The following CTPS2 variants were observed in gnomAD, a reference collection of about 807,000 sequenced individuals.
CTPS2 encodes CTP synthase II.
Under a neutral mutation model 46.8 loss-of-function variants are expected in CTPS2, and 19 were observed. The observed-to-expected ratio is 0.41, with a 90% CI of 0.28 to 0.60. CTPS2 has a LOEUF of 0.60. Among genes scored for constraint, CTPS2 ranks in the 20% least tolerant of loss-of-function variants. The pLI is 0.35. For missense variants in CTPS2, 286 were observed against 447.6 expected, an observed-to-expected ratio of 0.64 and a Z score of 3.26; for synonymous variants, 151 against 165.2, an observed-to-expected ratio of 0.91 and a Z score of 0.66.
intron 13 of CTPS2, among the ~76,000 whole-genome samples, chrX:16,659,572 G>A (rs1932895642): frequency 9.1e-6 from 1 of 110,010 alleles, no homozygotes; most frequent in Non-Finnish European, 1.9e-5. Context: ...TCACCATGCT[G>A]AGTCCACCCA....
chrX:16,621,603 C>T (rs1930843844), intron 14 of CTPS2, among the ~76,000 whole-genome samples: 1 of 110,113 alleles, frequency 9.1e-6, no homozygotes, highest in South Asian at 3.9e-4. Flanking sequence ...AAACGCAGAT[C>T]CCAGGTACAC....
At chrX:16,647,318 A>G (rs757116428) in intron 13 of CTPS2, among the ~76,000 whole-genome samples, 195 of 79,304 alleles carry the variant, frequency 2.5e-3, no homozygotes, top group Non-Finnish European at 3.7e-3. Context: ...CCCAGGCTGG[A>G]GTGTAATGGC....
chrX:16,667,122 T>C (rs1338817493), intron 13 of CTPS2, among the ~76,000 whole-genome samples: 2 of 98,273 alleles, frequency 2.0e-5, no homozygotes, highest in East Asian at 3.0e-4. Context: ...AAAATAATAA[T>C]AGACCCCCCC....
At chrX:16,696,521 C>T (rs1924128903) in intron 4 of CTPS2, among the ~76,000 whole-genome samples, 2 of 111,346 alleles carry the variant, frequency 1.8e-5, no homozygotes, top group Non-Finnish European at 3.8e-5. Context: ...GAAGACAAGT[C>T]AATTCAAGGG....
chrX:16,692,168 A>G (rs745386758), intron 6 of CTPS2, among the ~76,000 whole-genome samples: 1 of 111,287 alleles, frequency 9.0e-6, no homozygotes, highest in East Asian at 2.8e-4. Context: ...AAATAAGAGC[A>G]GCGGACTGGG....
At chrX:16,622,450 T>C (rs1930897471) in intron 14 of CTPS2, among the ~76,000 whole-genome samples, 1 of 109,412 alleles carries the variant, frequency 9.1e-6, no homozygotes, top group Non-Finnish European at 1.9e-5. Context: ...AAAGAAAACA[T>C]AGAAGCATCA....
chrX:16,670,373 G>C, intron 11 of CTPS2, among the ~76,000 whole-genome samples: 1 of 112,220 alleles, frequency 8.9e-6, no homozygotes, highest in Non-Finnish European at 1.9e-5. Flanking sequence ...AAATTGGTGT[G>C]GCTGTGTTCC....
Position 16,670,664 on chromosome X carries a change from C to T in CTPS2, c.1105G>A (p.Val369Met), listed in dbSNP as rs1312532570. 3 of 1,187,237 alleles carry T rather than the reference C, an allele frequency of 2.5e-6. No homozygotes were observed. In the Middle Eastern group the frequency reaches 7.0e-4, roughly 278 times the overall value. Residue 369 changes from valine to methionine, a missense_variant, in exon 11 of 19, where the codon GTG becomes ATG. By Grantham distance (21) the Val-to-Met change is conservative (BLOSUM62 1). Transcript: ENST00000359276. ...CCTCTGATTCCAAAGCCTCCAGGCA[C>T]AAGAATACCACTGAAATCAATACAA... ...QKLCKADGILVPGGFGIRGTL... is the reference protein window; with the variant it reads ...QKLCKADGILMPGGFGIRGTL...
chrX:16,688,659 T>C (rs557206135), intron 8 of CTPS2, among the ~76,000 whole-genome samples: 2 of 111,216 alleles, frequency 1.8e-5, no homozygotes, highest in African/African-American at 6.5e-5. Context: ...TTTTAATAAT[T>C]ATGCTGAACA....
chrX:16,698,841 G>A (rs1924336471), intron 3 of CTPS2, 82 bp downstream of exon 3: 8 of 956,109 alleles, frequency 8.4e-6, no homozygotes, highest in Middle Eastern at 2.7e-4. Flanking sequence ...CTGAGCCACC[G>A]TGCCCGGCCT....
intron 17 of CTPS2, among the ~76,000 whole-genome samples, chrX:16,604,924 A>G (rs937791726): frequency 8.9e-6 from 1 of 112,015 alleles, no homozygotes; most frequent in Non-Finnish European, 1.9e-5. Flanking sequence ...ATTATTTCCC[A>G]TTTGATTTTT....
chrX:16,661,875 A>G (rs1444583271), intron 13 of CTPS2, among the ~76,000 whole-genome samples: 1 of 110,734 alleles, frequency 9.0e-6, no homozygotes, highest in Non-Finnish European at 1.9e-5. Context: ...TTCTGTCTTC[A>G]GGGTGTAATA....
chrX:16,627,537 T>G (rs752097694), intron 14 of CTPS2, among the ~76,000 whole-genome samples: 1 of 111,904 alleles, frequency 8.9e-6, no homozygotes, highest in African/African-American at 3.3e-5. Context: ...GTCACTTCTT[T>G]GATGGGGCAC....
At chrX:16,704,863 G>A (rs1210559443) in intron 1 of CTPS2, among the ~76,000 whole-genome samples, 1 of 108,058 alleles carries the variant, frequency 9.3e-6, no homozygotes, top group Admixed American at 9.8e-5. Context: ...AGAGAGAATC[G>A]CTTGAACCTG....
intron 14 of CTPS2, among the ~76,000 whole-genome samples, chrX:16,633,808 T>C (rs769790918): frequency 3.2e-4 from 36 of 112,078 alleles, no homozygotes; most frequent in Non-Finnish European, 6.2e-4. Flanking sequence ...GGGACACAAG[T>C]ACAGTGAATG....
intron 10 of CTPS2, among the ~76,000 whole-genome samples, chrX:16,674,587 C>T (rs1053166895): frequency 4.5e-5 from 5 of 110,128 alleles, no homozygotes; most frequent in East Asian, 2.9e-4. Context: ...ACCTGTAATC[C>T]CAGCACTTTG....
At chrX:16,680,611 CTT>C (rs1922664579) in intron 9 of CTPS2, among the ~76,000 whole-genome samples, 1 of 107,132 alleles carries the variant, frequency 9.3e-6, no homozygotes, top group South Asian at 4.0e-4. Context: ...TTCAAATAAA[CTT>C]TAAGATACAA....
chrX:16,673,944 C>T (rs923119560), intron 10 of CTPS2, among the ~76,000 whole-genome samples: 1 of 111,349 alleles, frequency 9.0e-6, no homozygotes, highest in Non-Finnish European at 1.9e-5. Context: ...ATACCTAGTA[C>T]GTAATTAAAA....
At chrX:16,676,404 G>A (rs1193227367) in intron 10 of CTPS2, among the ~76,000 whole-genome samples, 1 of 111,749 alleles carries the variant, frequency 8.9e-6, no homozygotes, top group Non-Finnish European at 1.9e-5. Context: ...CAATTCATAG[G>A]TATTTGAGGG....
Sources: gnomAD v4.1 joint callset for allele counts (sites outside exome capture counted in the v4.1 genomes callset) on GRCh38, gnomAD v4.1.1 for gene constraint, MANE v1.5 for transcripts, NCBI Gene and HGNC (gene_info 2026-07-23, HGNC 2026-07-21) for gene names.